Variants in PRPF3 observed in about 807,000 individuals in gnomAD.
The protein encoded by PRPF3 is pre-mRNA processing factor 3, also known as U4/U6 small nuclear ribonucleoprotein Prp3.
PRPF3 carries 3 observed loss-of-function variants against 89.2 expected under a neutral mutation model. That is an observed-to-expected ratio of 0.03 (90% CI 0.02 to 0.09). The LOEUF is 0.09. Ranked by LOEUF, PRPF3 falls within the 10% of genes least tolerant of loss-of-function variation. PRPF3 has a pLI of 1.00. For missense variants in PRPF3, 463 were observed against 828.8 expected (o/e 0.56, Z 5.42); for synonymous variants, 270 against 289.1 (o/e 0.93, Z 0.67).
chr1:150,341,105 CAAAAAAAAAA>C (rs71086503), intron 9 of PRPF3, among the ~76,000 whole-genome samples: 6 of 86,738 alleles, frequency 6.9e-5, no homozygotes, highest in South Asian at 4.2e-4. Context: ...GACCTTGTCT[CAAAAAAAAAA>C]AAAAAAAAAA....
chr1:150,323,750 A>G (rs1655368551), intron 1 of PRPF3, among the ~76,000 whole-genome samples: 1 of 150,654 alleles, frequency 6.6e-6, no homozygotes, highest in Admixed American at 6.7e-5. Context: ...TGGGATGAAT[A>G]TGACCACAGA....
intron 9 of PRPF3, among the ~76,000 whole-genome samples, chr1:150,341,058 A>C (rs1657641744): frequency 7.0e-6 from 1 of 143,126 alleles, no homozygotes; most frequent in African/African-American, 2.6e-5. Flanking sequence ...GTGAGCTGAG[A>C]TGGTGCTGCT....
intron 4 of PRPF3, among the ~76,000 whole-genome samples, chr1:150,331,773 A>G (rs1435183939): frequency 1.3e-5 from 2 of 152,204 alleles, no homozygotes; most frequent in African/African-American, 4.8e-5. Context: ...GTTTTGCAAA[A>G]TGTAAGAGGA....
intron 14 of PRPF3, chr1:150,348,894 C>T: frequency 2.2e-6 from 1 of 465,026 alleles, no homozygotes; most frequent in Non-Finnish European, 3.9e-6. Flanking sequence ...GACTGCTTGT[C>T]TTTTATTTCC....
rs1002273897 is a variant in PRPF3 at position 150,345,955 on chromosome 1, C to A, written c.1641-63C>A. The A allele has an allele frequency of 1.1e-4, 134 of 1,254,048 alleles. No homozygotes were observed. The African/African-American group carries it at 1.8e-3, about 17-fold the overall frequency. The allele number at this position is 1,254,048 out of a possible 1,614,324, so 77.7% of individuals were successfully genotyped here. A position where few individuals can be genotyped will look rare whatever the true frequency, so the allele number is the denominator to read the frequency against. Reference sequence around the variant, plus strand: ...ATTTTGGATTCATCTTTTTACTTGCCACTCCATTCAGGCAGCTGCTGATGC... The same window carrying A: ...ATTTTGGATTCATCTTTTTACTTGCAACTCCATTCAGGCAGCTGCTGATGC... On this transcript the variant is annotated intron_variant, in intron 12 of 15. Coordinates refer to ENST00000324862, the MANE Select transcript of PRPF3 (RefSeq NM_004698.4).
intron 13 of PRPF3, 87 bp from the exon 14 acceptor site, chr1:150,346,321 A>G: frequency 7.1e-7 from 1 of 1,402,256 alleles, no homozygotes; most frequent in South Asian, 1.2e-5. Flanking sequence ...GATTGCTTCA[A>G]CTACCACATT....
intron 3 of PRPF3, among the ~76,000 whole-genome samples, chr1:150,326,641 A>T (rs1560085931): frequency 1.3e-5 from 2 of 151,618 alleles, no homozygotes; most frequent in African/African-American, 4.9e-5. Context: ...GAAAAGAGTG[A>T]ATAAGTAATG....
rs1307640994 is a variant in PRPF3, at chr1:150,324,914, T to C, written c.-29T>C. On this transcript the variant is annotated 5_prime_UTR_variant, in exon 2 of 16. Coordinates refer to ENST00000324862, the MANE Select transcript of PRPF3 (RefSeq NM_004698.4). ...TTTTAGGTGTAGTATTGAGTCCTGT[T>C]TGAGCTATTGTTCTCTTTTTCCTGA... 1 of 1,597,952 alleles carries C rather than the reference T, an allele frequency of 6.3e-7. No homozygotes were observed. Among genetic ancestry groups the C allele is most frequent in the African/African-American group, 1.4e-5 (1 of 73,370 alleles).
intron 4 of PRPF3, among the ~76,000 whole-genome samples, chr1:150,332,098 C>T (rs1318632935): frequency 6.6e-6 from 1 of 151,888 alleles, no homozygotes; most frequent in Non-Finnish European, 1.5e-5. Flanking sequence ...GTGGTGGGCG[C>T]CTATAGTCCC....
At chr1:150,335,483 G>A (rs782759054) in intron 7 of PRPF3, among the ~76,000 whole-genome samples, 13 of 151,896 alleles carry the variant, frequency 8.6e-5, no homozygotes, top group Non-Finnish European at 1.3e-4. Flanking sequence ...TATTTTTTTC[G>A]AGATGGAGTG....
chr1:150,336,585 G>A (rs1298441275), intron 7 of PRPF3, among the ~76,000 whole-genome samples: 2 of 151,960 alleles, frequency 1.3e-5, no homozygotes, highest in African/African-American at 2.4e-5. Flanking sequence ...GTGAAACCCC[G>A]TCTCTACTAA....
intron 4 of PRPF3, among the ~76,000 whole-genome samples, chr1:150,328,845 G>A (rs982461531): frequency 6.6e-5 from 10 of 151,828 alleles, no homozygotes; most frequent in East Asian, 3.9e-4. Flanking sequence ...GAGCCACTGC[G>A]CCCGGCTAAT....
intron 15 of PRPF3, among the ~76,000 whole-genome samples, chr1:150,352,620 G>A (rs1364322867): frequency 2.6e-5 from 4 of 152,124 alleles, no homozygotes; most frequent in South Asian, 4.1e-4. Context: ...AGCCGAGATC[G>A]TGCCACTGCA....
chr1:150,332,992 C>T lies in PRPF3; in HGVS notation c.521C>T (p.Ser174Phe). The T allele has an allele frequency of 6.2e-7, 1 of 1,613,614 alleles. No homozygotes were observed. Among genetic ancestry groups the T allele is most frequent in the Non-Finnish European group, 8.5e-7 (1 of 1,179,856 alleles). Reference protein sequence around the residue: ...SPPTPQPKTPSSSQPERLPIG... With the variant: ...SPPTPQPKTPFSSQPERLPIG... ...TCTATCTCACAGCCAAAGACTCCTT[C>T]TTCCTCCCAACCAGAACGACTTCCT... is the stretch of plus-strand genomic sequence containing the variant. Residue 174 changes from serine (S) to phenylalanine (F), a missense_variant, in exon 6 of 16, where the codon TCT (serine) becomes TTT (phenylalanine). By Grantham distance (155) the Ser-to-Phe change is radical. Transcript: ENST00000324862.
At position 150,332,845 on chromosome 1, in the gene PRPF3, G is replaced by C; in HGVS notation, c.507+78G>C. ...GCCATCCACTCAAAATGAGAGACTAGAAGAGGTGACTACATGTTTCACTTC... is the reference window on the plus strand; with the variant it reads ...GCCATCCACTCAAAATGAGAGACTACAAGAGGTGACTACATGTTTCACTTC... On this transcript the variant is annotated intron_variant, in intron 5 of 15. Coordinates refer to ENST00000324862, the MANE Select transcript of PRPF3 (RefSeq NM_004698.4). 4.6e-6 allele frequency: 7 copies of C among 1,531,864 alleles called. No individual in the cohort carries two copies. The South Asian group carries it at 6.8e-5, about 15-fold the overall frequency. 94.9% of individuals were successfully genotyped at this position (1,531,864 alleles called of 1,614,324 possible). A position where few individuals can be genotyped will look rare whatever the true frequency, so the allele number is the denominator to read the frequency against.
chr1:150,339,581 C>T (rs1159746328), intron 8 of PRPF3, among the ~76,000 whole-genome samples: 1 of 151,774 alleles, frequency 6.6e-6, no homozygotes, highest in East Asian at 1.9e-4. Context: ...AGATTATAGG[C>T]ATGCACCACC....
intron 6 of PRPF3, among the ~76,000 whole-genome samples, chr1:150,333,722 A>T (rs587666621): frequency 8.5e-5 from 13 of 152,190 alleles, no homozygotes; most frequent in African/African-American, 3.1e-4. Context: ...TATAACTGAG[A>T]TTAAGGTTAT....
In PRPF3 at chr1:150,344,468, A is replaced by G; in HGVS notation, c.1561A>G (p.Thr521Ala). ...AGAGGCCAACGCTGCCCGAAAACTC[A>G]CAGCAGAACAGAGAAAGGTCAAGAA... The part of the protein sequence containing the change: ...HEEANAARKL[T>A]AEQRKVKKIK... The change falls in exon 12 of 16, where the codon ACA becomes GCA. Residue 521 changes from threonine to alanine, a missense_variant. By Grantham distance (58) the Thr-to-Ala change is moderately conservative. Transcript: ENST00000324862. 6.2e-7 allele frequency: 1 copy of G among 1,614,186 alleles called. No homozygotes were observed.
intron 9 of PRPF3, among the ~76,000 whole-genome samples, chr1:150,342,869 TG>T (rs2102008202): frequency 6.6e-6 from 1 of 152,234 alleles, no homozygotes; most frequent in African/African-American, 2.4e-5. Flanking sequence ...GGGTCTCACT[TG>T]GTTGTCCAGG....
Sources: gnomAD v4.1 joint callset for allele counts (sites outside exome capture counted in the v4.1 genomes callset) on GRCh38, gnomAD v4.1.1 for gene constraint, MANE v1.5 for transcripts, NCBI Gene and HGNC (gene_info 2026-07-23, HGNC 2026-07-21) for gene names.